The following RAB9B variants were observed in gnomAD, a reference collection of about 807,000 sequenced individuals.
RAB9B encodes the protein ras-related protein Rab-9B.
A neutral mutation model predicts 8.9 loss-of-function variants in RAB9B; 1 was observed. The ratio of observed to expected loss-of-function variants is 0.11; its 90% CI spans 0.04 to 0.53. The LOEUF is 0.53. Among genes scored for constraint, RAB9B ranks in the 20% least tolerant of loss-of-function variants. RAB9B has a pLI of 0.93. For synonymous variants in RAB9B, 63 were observed against 57.0 expected (o/e 1.10, Z -0.47); for missense variants, 82 against 152.9 (o/e 0.54, Z 2.45).
At position 103,825,032 on chromosome X, in the gene RAB9B, C is replaced by T; in HGVS notation, c.*147G>A. On this transcript the variant is annotated 3_prime_UTR_variant, in exon 3 of 3. Transcript: ENST00000243298. ...TTTTTAATTTTTTTAAATCAATCTA[C>T]ACTTCAATTTGAAAGGCTCTGTTTC... 1.6e-6 allele frequency: 1 copy of T among 615,466 alleles called. No individual in the cohort carries two copies. The highest frequency in any genetic ancestry group is 4.4e-5 in the South Asian group (1 of 22,719). 50.7% of individuals were successfully genotyped at this position (615,466 alleles called of 1,213,427 possible).
At chrX:103,821,379 C>T (rs976027457), downstream of RAB9B, among the ~76,000 whole-genome samples, 1 of 109,267 alleles carries the variant, frequency 9.2e-6, no homozygotes, top group African/African-American at 3.3e-5. Flanking sequence ...AATCTGTTTC[C>T]CAACAAATTC....
chrX:103,787,611 G>A, the RAB9B span: 5 of 472,915 alleles, frequency 1.1e-5, no homozygotes, highest in African/African-American at 7.2e-5. Context: ...TTATACTGGG[G>A]CCAGTTATCT....
chrX:103,780,073 T>C, the RAB9B span: 1 of 112,966 alleles, frequency 8.9e-6, no homozygotes, highest in Non-Finnish European at 1.9e-5. Flanking sequence ...GCTCAGCAAG[T>C]ACTGATTGAT....
chrX:103,808,122 C>T, the RAB9B span, among the ~76,000 whole-genome samples: 1 of 111,702 alleles, frequency 9.0e-6, no homozygotes, highest in African/African-American at 3.3e-5. Flanking sequence ...CTCTTTGAGT[C>T]TTTGTTTGCT....
chrX:103,789,778 G>A, the RAB9B span, among the ~76,000 whole-genome samples: 1 of 111,829 alleles, frequency 8.9e-6, no homozygotes, highest in African/African-American at 3.2e-5. Flanking sequence ...ACTTGCTATA[G>A]CCTGGAATTC....
chrX:103,783,502 G>T, the RAB9B span, among the ~76,000 whole-genome samples: 1 of 112,431 alleles, frequency 8.9e-6, no homozygotes, highest in Non-Finnish European at 1.9e-5. Context: ...CCAAGAAAGG[G>T]CTGTCATTTC....
the RAB9B span, among the ~76,000 whole-genome samples, chrX:103,810,549 G>A: frequency 5.4e-5 from 6 of 111,843 alleles, no homozygotes; most frequent in African/African-American, 1.9e-4. Flanking sequence ...GAAGGCACTG[G>A]CAGGATAAAG....
chrX:103,818,936 C>G (rs2074649728), downstream of RAB9B, among the ~76,000 whole-genome samples: 1 of 110,922 alleles, frequency 9.0e-6, no homozygotes, highest in Non-Finnish European at 1.9e-5. Context: ...ATCGGTCACT[C>G]TAAGTTTTCT....
the RAB9B span, among the ~76,000 whole-genome samples, chrX:103,790,063 C>G: frequency 8.9e-6 from 1 of 111,891 alleles, no homozygotes; most frequent in African/African-American, 3.3e-5. Flanking sequence ...ACTCCTGGCC[C>G]CTACTGCTGA....
the RAB9B span, chrX:103,776,873 C>T: frequency 5.9e-6 from 4 of 683,501 alleles, no homozygotes; most frequent in Admixed American, 1.1e-4. Context: ...CAAAGATACT[C>T]AGAGAGAAAA....
At chrX:103,779,451 A>G in the RAB9B span, among the ~76,000 whole-genome samples, 166 of 112,105 alleles carry the variant, frequency 1.5e-3, 1 homozygote, top group African/African-American at 5.1e-3. Flanking sequence ...CAAAATGGCA[A>G]GAATGCCCCA....
At chrX:103,789,741 C>A in the RAB9B span, among the ~76,000 whole-genome samples, 1 of 111,809 alleles carries the variant, frequency 8.9e-6, no homozygotes, top group African/African-American at 3.3e-5. Flanking sequence ...AGATCAGTGA[C>A]AAAACACTGA....
At position 103,825,097 on chromosome X, in the gene RAB9B, G is replaced by T. The variant is rs536203957; in HGVS notation, c.*82C>A. 1.9e-5 allele frequency: 19 copies of T among 987,380 alleles called. No individual in the cohort carries two copies. In the South Asian group the frequency reaches 3.8e-4, roughly 20 times the overall value. 81.4% of individuals were successfully genotyped at this position (987,380 alleles called of 1,213,427 possible). On this transcript the variant is annotated 3_prime_UTR_variant, in exon 3 of 3. Coordinates refer to ENST00000243298, the MANE Select transcript of RAB9B (RefSeq NM_016370.4). ...GTCTCTTACCCTCTTGTGTGCGTGT[G>T]TGTGCACTCTTAGAGGGGCACAGTT...
chrX:103,821,371 T>A (rs1410756081), downstream of RAB9B, among the ~76,000 whole-genome samples: 9 of 98,468 alleles, frequency 9.1e-5, no homozygotes. Context: ...AAAAAAAAAA[T>A]CTGTTTCCCA....
the RAB9B span, chrX:103,786,762 G>A: frequency 8.3e-7 from 1 of 1,202,173 alleles, no homozygotes; most frequent in Admixed American, 2.2e-5. Flanking sequence ...AATAACAAGG[G>A]GTGGGGGAAA....
chrX:103,830,433 G>A (rs905307634), intron 1 of RAB9B, among the ~76,000 whole-genome samples: 1 of 111,779 alleles, frequency 8.9e-6, no homozygotes, highest in African/African-American at 3.3e-5. Context: ...AATGACGTAT[G>A]CATCCCTTAT....
the RAB9B span, chrX:103,788,089 G>A: frequency 8.4e-6 from 5 of 591,853 alleles, no homozygotes; most frequent in South Asian, 9.6e-5. Flanking sequence ...GAATGATTGG[G>A]TCTTAGTTTA....
the RAB9B span, among the ~76,000 whole-genome samples, chrX:103,816,870 C>T: frequency 8.9e-6 from 1 of 112,312 alleles, no homozygotes; most frequent in African/African-American, 3.2e-5. Flanking sequence ...CAAATCAAAA[C>T]CACAATGAGA....
the RAB9B span, among the ~76,000 whole-genome samples, chrX:103,790,133 G>C: frequency 1.8e-5 from 2 of 112,444 alleles, no homozygotes; most frequent in African/African-American, 6.5e-5. Context: ...TCATTAACCA[G>C]GGGAGAGCTC....
Sources: allele counts gnomAD v4.1 joint callset (sites outside exome capture counted in the v4.1 genomes callset), GRCh38; gene constraint gnomAD v4.1.1; transcripts MANE v1.5; gene names NCBI Gene and HGNC (gene_info 2026-07-23, HGNC 2026-07-21).